NRG2: variants seen among roughly 807,000 people sequenced by gnomAD.
NRG2 encodes neuregulin 2.
Under a neutral mutation model 73.9 loss-of-function variants are expected in NRG2, and 27 were observed. The ratio of observed to expected loss-of-function variants is 0.37; its 90% CI spans 0.27 to 0.50. NRG2 has a LOEUF of 0.50. NRG2 is among the 20% of genes least tolerant of loss of function. The probability of loss-of-function intolerance (pLI) is 0.96; values close to 1 mark genes in which losing one functional copy is unlikely to be tolerated. For synonymous variants in NRG2, 532 were observed against 541.0 expected (o/e 0.98, Z 0.23); for missense variants, 1,126 against 1,210.1 (o/e 0.93, Z 1.03).
chr5:140,010,151 A>G (rs1759243714), intron 1 of NRG2, among the ~76,000 whole-genome samples: 1 of 152,182 alleles, frequency 6.6e-6, no homozygotes. Flanking sequence ...TACAAAAATT[A>G]GATGGGCATG....
At chr5:140,000,064 AC>A (rs1758320407) in intron 1 of NRG2, among the ~76,000 whole-genome samples, 1 of 152,232 alleles carries the variant, frequency 6.6e-6, no homozygotes, top group South Asian at 2.1e-4. Flanking sequence ...TTATAAAAAA[AC>A]AACATTTGTC....
chr5:139,966,108 G>C (rs1308765500), intron 1 of NRG2, among the ~76,000 whole-genome samples: 1 of 152,060 alleles, frequency 6.6e-6, no homozygotes, highest in Non-Finnish European at 1.5e-5. Flanking sequence ...ACATAGCAGG[G>C]ACTCAGTAAT....
intron 5 of NRG2, among the ~76,000 whole-genome samples, chr5:139,861,916 G>A (rs1314040982): frequency 1.3e-5 from 2 of 152,230 alleles, no homozygotes; most frequent in Non-Finnish European, 2.9e-5. Context: ...AGAGGATTGG[G>A]TTCATAGAGC....
Position 139,848,403 on chromosome 5 carries a change from C to G in NRG2, c.2067G>C (p.Gly689=), listed in dbSNP as rs1761163425. The G allele has an allele frequency of 3.2e-6, 4 of 1,266,642 alleles. No individual in the cohort carries two copies. The African/African-American group carries it at 6.3e-5, about 20-fold the overall frequency. The allele number at this position is 1,266,642 out of a possible 1,614,324, so 78.5% of individuals were successfully genotyped here. A position where few individuals can be genotyped will look rare whatever the true frequency, so the allele number is the denominator to read the frequency against. Residue 689 remains glycine, a synonymous_variant, in exon 10 of 10, where the codon GGG becomes GGC. Transcript: ENST00000361474. The part of the protein sequence containing the change: ...YPAAGPGPRR[G]TCALGGSLGS... ...CCAGGCTGCCGCCGAGCGCGCAGGT[C>G]CCGCGCCGCGGTCCGGGCCCCGCCG...
At chr5:139,943,171 G>A (rs1052041841) in intron 1 of NRG2, among the ~76,000 whole-genome samples, 2 of 151,362 alleles carry the variant, frequency 1.3e-5, no homozygotes, top group African/African-American at 4.9e-5. Flanking sequence ...TTTTGAGACG[G>A]AGTCTTGCTC....
rs377464127 is a variant in NRG2, at chr5:139,913,284, C to T, written c.701-25773G>A. Among the ~76,000 whole-genome samples the T allele has an allele frequency of 3.5e-3, 529 of 152,280 alleles. 1 individual carries two copies. The highest frequency in any genetic ancestry group is 5.3e-3 in the Non-Finnish European group (361 of 68,024). ...TCACCCCTGTATCCGTTTCTTATACCCTGCCCCAGTCACTGAGGCTTCTGA... is the reference window on the plus strand; with the variant it reads ...TCACCCCTGTATCCGTTTCTTATACTCTGCCCCAGTCACTGAGGCTTCTGA... On this transcript the variant is annotated intron_variant, in intron 1 of 9. Coordinates refer to ENST00000361474, the MANE Select transcript of NRG2 (RefSeq NM_004883.3).
At chr5:139,983,761 A>T (rs1334577667) in intron 1 of NRG2, among the ~76,000 whole-genome samples, 1 of 152,248 alleles carries the variant, frequency 6.6e-6, no homozygotes, top group Non-Finnish European at 1.5e-5. Flanking sequence ...CTATTAAGAT[A>T]TATAGGGTAT....
At chr5:139,911,385 C>T (rs930832685) in intron 1 of NRG2, among the ~76,000 whole-genome samples, 1 of 152,112 alleles carries the variant, frequency 6.6e-6, no homozygotes, top group Non-Finnish European at 1.5e-5. Flanking sequence ...AGTAGAGGAG[C>T]GGATGACCCC....
chr5:139,982,823 G>T (rs947980290), intron 1 of NRG2, among the ~76,000 whole-genome samples: 1 of 152,200 alleles, frequency 6.6e-6, no homozygotes, highest in Non-Finnish European at 1.5e-5. Flanking sequence ...GCTGGCTGAG[G>T]AGTAGTCTTG....
chr5:139,860,462 C>T (rs1413124720), intron 5 of NRG2, among the ~76,000 whole-genome samples: 2 of 151,898 alleles, frequency 1.3e-5, no homozygotes, highest in Non-Finnish European at 2.9e-5. Context: ...GGCCTGTCCA[C>T]GTACTGGGAG....
intron 1 of NRG2, among the ~76,000 whole-genome samples, chr5:139,996,733 C>A (rs1448657606): frequency 6.6e-6 from 1 of 152,190 alleles, no homozygotes; most frequent in Non-Finnish European, 1.5e-5. Context: ...TCCAAGTATA[C>A]CGTAAGACCC....
intron 1 of NRG2, among the ~76,000 whole-genome samples, chr5:139,900,554 C>T (rs1263510881): frequency 6.6e-6 from 1 of 152,208 alleles, no homozygotes; most frequent in African/African-American, 2.4e-5. Context: ...GGGCCCAGGT[C>T]TCATGCTTTG....
chr5:139,953,603 C>A (rs1019782409), intron 1 of NRG2, among the ~76,000 whole-genome samples: 1 of 152,126 alleles, frequency 6.6e-6, no homozygotes, highest in Non-Finnish European at 1.5e-5. Context: ...GCCCAGCCAG[C>A]GTTTTCTGGA....
At position 140,013,076 on chromosome 5, in the gene NRG2, C is replaced by A. The variant is rs932523793; in HGVS notation, c.700+29294G>T. Among the ~76,000 whole-genome samples the A allele has an allele frequency of 3.3e-5, 5 of 152,210 alleles. No homozygotes were observed. In the East Asian group the frequency reaches 9.6e-4, roughly 29 times the overall value. On this transcript the variant is annotated intron_variant, in intron 1 of 9. Coordinates refer to ENST00000361474, the MANE Select transcript of NRG2 (RefSeq NM_004883.3). Reference sequence around the variant, plus strand: ...TCTCCTCAAACTTCGAACATCTCCTCCCTCATACTCTCAGCTGTTGACCTT... The same window carrying A: ...TCTCCTCAAACTTCGAACATCTCCTACCTCATACTCTCAGCTGTTGACCTT...
At chr5:139,893,845 G>A (rs1370141314) in intron 1 of NRG2, among the ~76,000 whole-genome samples, 13 of 152,156 alleles carry the variant, frequency 8.5e-5, no homozygotes, top group Non-Finnish European at 1.6e-4. Context: ...CCTCCAGGAC[G>A]GGCTCCATAA....
At position 139,853,943 on chromosome 5, in the gene NRG2, A is replaced by G. The variant is rs1246333136; in HGVS notation, c.1293-916T>C. Among the ~76,000 whole-genome samples, 2 of 152,228 alleles carry G rather than the reference A, an allele frequency of 1.3e-5. No individual in the cohort carries two copies. Among genetic ancestry groups the G allele is most frequent in the African/African-American group, 4.8e-5 (2 of 41,448 alleles). On this transcript the variant is annotated intron_variant, in intron 6 of 9. Transcript: ENST00000361474. The surrounding 1 kb of genome is among the most constrained non-coding windows in gnomAD (Gnocchi z 4.1). ...ATTGCTTGTAACACAAAGGTCCACG[A>G]GGACCCATCAGTTTGCTCAAGGTCA...
intron 1 of NRG2, among the ~76,000 whole-genome samples, chr5:139,988,525 A>G (rs918939150): frequency 6.6e-6 from 1 of 152,054 alleles, no homozygotes. Context: ...TTGCTAAAGG[A>G]AAGAAGCCAA....
At chr5:139,857,684 G>A (rs1761892077) in intron 5 of NRG2, among the ~76,000 whole-genome samples, 3 of 151,974 alleles carry the variant, frequency 2.0e-5, no homozygotes, top group African/African-American at 7.3e-5. Flanking sequence ...GCATCCAAGG[G>A]CCACGACCAA....
chr5:139,861,165 A>G (rs539766480), intron 5 of NRG2, among the ~76,000 whole-genome samples: 3 of 152,308 alleles, frequency 2.0e-5, no homozygotes, highest in Non-Finnish European at 4.4e-5. Context: ...GGAAGATGTG[A>G]ACAAGCCTGG....
Sources: allele counts gnomAD v4.1 joint callset (sites outside exome capture counted in the v4.1 genomes callset), GRCh38; gene constraint gnomAD v4.1.1; non-coding constraint Gnocchi (gnomAD v3.1); transcripts MANE v1.5; gene names NCBI Gene and HGNC (gene_info 2026-07-23, HGNC 2026-07-21).